Variants in DACH1 observed in about 807,000 individuals in gnomAD.
DACH1 encodes the protein dachshund family transcription factor 1.
In DACH1, 12 loss-of-function variants were observed where a neutral mutation model predicts 54.2. The observed-to-expected ratio is 0.22, with a 90% confidence interval of 0.14 to 0.36. DACH1 has a LOEUF of 0.36. Among genes scored for constraint, DACH1 ranks in the 10% least tolerant of loss-of-function variants. The pLI, the probability that DACH1 is intolerant of heterozygous loss-of-function variation, is 1.00. For synonymous variants in DACH1, 386 were observed against 366.2 expected (o/e 1.05, Z -0.62); for missense variants, 805 against 929.8 (o/e 0.87, Z 1.75).
At chr13:71,628,407 T>C (rs1217685833) in intron 3 of DACH1, among the ~76,000 whole-genome samples, 1 of 152,058 alleles carries the variant, frequency 6.6e-6, no homozygotes, top group Non-Finnish European at 1.5e-5. Flanking sequence ...ATTACAATGA[T>C]AACATCTTTT....
chr13:71,828,544 A>G (rs1185444567), intron 1 of DACH1, among the ~76,000 whole-genome samples: 1 of 152,050 alleles, frequency 6.6e-6, no homozygotes, highest in Non-Finnish European at 1.5e-5. Context: ...GGTTTGTAGC[A>G]CAAAAGCATG....
At chr13:71,571,373 T>C (rs1293700375) in intron 4 of DACH1, among the ~76,000 whole-genome samples, 4 of 152,132 alleles carry the variant, frequency 2.6e-5, no homozygotes, top group Admixed American at 6.5e-5. Context: ...GCAATCAGAG[T>C]GCTGAATTCT....
intron 2 of DACH1, among the ~76,000 whole-genome samples, chr13:71,666,028 G>A (rs183188413): frequency 7.2e-5 from 11 of 152,160 alleles, no homozygotes. Flanking sequence ...TGAATTGTTT[G>A]CAGTGCCTTT....
intron 6 of DACH1, among the ~76,000 whole-genome samples, chr13:71,531,585 C>T (rs1432176907): frequency 6.6e-6 from 1 of 151,390 alleles, no homozygotes; most frequent in East Asian, 1.9e-4. Flanking sequence ...TTTTAATGAA[C>T]TCAGAAATAG....
intron 1 of DACH1, among the ~76,000 whole-genome samples, chr13:71,841,783 A>G (rs762557404): frequency 2.6e-5 from 4 of 152,224 alleles, no homozygotes; most frequent in Non-Finnish European, 5.9e-5. Flanking sequence ...CTTTTCTACT[A>G]TAAGTCCTAA....
intron 1 of DACH1, among the ~76,000 whole-genome samples, chr13:71,832,061 T>A (rs542361795): frequency 2.6e-5 from 4 of 152,076 alleles, no homozygotes; most frequent in Non-Finnish European, 5.9e-5. Flanking sequence ...CACACAAGAA[T>A]TTCTCAGGCT....
intron 9 of DACH1, 113 bp downstream of exon 9, chr13:71,475,592 AT>A: frequency 1.6e-6 from 2 of 1,238,322 alleles, no homozygotes; most frequent in Non-Finnish European, 2.2e-6. Flanking sequence ...AGCTTCAAGT[AT>A]AGCTGAATGA....
At chr13:71,641,030 T>C (rs1291621281) in intron 2 of DACH1, among the ~76,000 whole-genome samples, 2 of 151,942 alleles carry the variant, frequency 1.3e-5, no homozygotes, top group Non-Finnish European at 1.5e-5. Context: ...GGTCTGTGCA[T>C]GTGTAGTTTA....
chr13:71,614,885 A>C (rs2138525833), intron 3 of DACH1, among the ~76,000 whole-genome samples: 1 of 150,902 alleles, frequency 6.6e-6, no homozygotes, highest in Non-Finnish European at 1.5e-5. Flanking sequence ...CCACAAATGT[A>C]ACAAAATCCT....
At chr13:71,481,935 G>A (rs1878068246) in intron 7 of DACH1, among the ~76,000 whole-genome samples, 1 of 152,160 alleles carries the variant, frequency 6.6e-6, no homozygotes, top group Non-Finnish European at 1.5e-5. Flanking sequence ...ATCTCACTTG[G>A]ACATGCAATA....
chr13:71,848,194 C>A lies in DACH1; in HGVS notation c.848+17728G>T, dbSNP rs556401369. On this transcript the variant is annotated intron_variant, in intron 1 of 10. Transcript: ENST00000613252. ...AGTTGCATGACAGTTACCATAGATA[C>A]TGAAGCCATTATCCCCCCCCAAAAA... Among the ~76,000 whole-genome samples, 3 of 141,596 alleles carry A rather than the reference C, an allele frequency of 2.1e-5. No homozygotes were observed. The South Asian group carries it at 6.6e-4, about 31-fold the overall frequency. The allele number at this position is 141,596 out of a possible 152,430, so 92.9% of individuals were successfully genotyped here.
At chr13:71,542,307 AAAAC>A (rs1169084477) in intron 6 of DACH1, among the ~76,000 whole-genome samples, 1 of 152,038 alleles carries the variant, frequency 6.6e-6, no homozygotes, top group Non-Finnish European at 1.5e-5. Flanking sequence ...AATAAAATAA[AAAAC>A]AAAGTTCAAA....
chr13:71,556,072 T>C (rs1884229998), intron 6 of DACH1, among the ~76,000 whole-genome samples: 1 of 152,194 alleles, frequency 6.6e-6, no homozygotes, highest in Admixed American at 6.5e-5. Flanking sequence ...TTTACTTTTT[T>C]GTGAGTAGTC....
At chr13:71,697,053 C>G (rs1452081229) in intron 1 of DACH1, among the ~76,000 whole-genome samples, 2 of 152,108 alleles carry the variant, frequency 1.3e-5, no homozygotes, top group Non-Finnish European at 1.5e-5. Flanking sequence ...TAATAGTTCC[C>G]TTCTCCCACC....
chr13:71,859,366 A>G (rs1455506699), intron 1 of DACH1, among the ~76,000 whole-genome samples: 1 of 151,822 alleles, frequency 6.6e-6, no homozygotes, highest in Non-Finnish European at 1.5e-5. Flanking sequence ...ATTTGGTTCA[A>G]GGTCCTTGAC....
At position 71,847,315 on chromosome 13, in the gene DACH1, G is replaced by A. The variant is rs79828031; in HGVS notation, c.848+18607C>T. 5.1e-3 allele frequency among the ~76,000 whole-genome samples: 778 copies of A among 152,156 alleles called. 5 individuals are homozygous for A. Among genetic ancestry groups the A allele is most frequent in the African/African-American group, 0.018 (753 of 41,520 alleles). On this transcript the variant is annotated intron_variant, in intron 1 of 10. Transcript: ENST00000613252. ...CATAATCAAAATGCCCCATAATTAT[G>A]AATTTCATAAGAGCATTTGCAAGTA...
chr13:71,736,815 A>G (rs551894586), intron 1 of DACH1, among the ~76,000 whole-genome samples: 6 of 152,310 alleles, frequency 3.9e-5, no homozygotes, highest in Admixed American at 1.3e-4. Context: ...TTCATAATCT[A>G]TAATGTATTA....
intron 10 of DACH1, among the ~76,000 whole-genome samples, chr13:71,446,340 C>T (rs1023475741): frequency 6.6e-6 from 1 of 152,268 alleles, no homozygotes; most frequent in Non-Finnish European, 1.5e-5. Flanking sequence ...ATCAGTTATT[C>T]CTCGATATCT....
intron 10 of DACH1, among the ~76,000 whole-genome samples, chr13:71,465,416 A>G (rs1350996662): frequency 6.6e-6 from 1 of 152,126 alleles, no homozygotes; most frequent in African/African-American, 2.4e-5. Flanking sequence ...TCTATCTTAA[A>G]GAAGCCACTG....
Sources: gnomAD v4.1 joint callset for allele counts (sites outside exome capture counted in the v4.1 genomes callset) on GRCh38, gnomAD v4.1.1 for gene constraint, MANE v1.5 for transcripts, NCBI Gene and HGNC (gene_info 2026-07-23, HGNC 2026-07-21) for gene names.